The following ASTN2 variants were observed in gnomAD, a reference collection of about 807,000 sequenced individuals.
ASTN2 encodes astrotactin 2, also known as astrotactin-2.
In ASTN2, 54 loss-of-function variants were observed where a neutral mutation model predicts 139.8. The observed-to-expected ratio is 0.39, with a 90% CI of 0.31 to 0.48. ASTN2 has a LOEUF of 0.48. ASTN2 is among the 20% of genes least tolerant of loss of function. ASTN2 has a pLI of 0.95. For missense variants in ASTN2, 1,565 were observed against 1,725.1 expected, an observed-to-expected ratio of 0.91 and a Z score of 1.64; for synonymous variants, 756 against 719.5, an observed-to-expected ratio of 1.05 and a Z score of -0.81.
At chr9:117,300,884 C>G (rs571410297) in intron 1 of ASTN2, among the ~76,000 whole-genome samples, 1 of 152,162 alleles carries the variant, frequency 6.6e-6, no homozygotes, top group African/African-American at 2.4e-5. Flanking sequence ...GACTCCTCCT[C>G]CCCAACCCCA....
intron 16 of ASTN2, among the ~76,000 whole-genome samples, chr9:116,704,864 A>AT (rs1045104473): frequency 5.3e-5 from 8 of 152,174 alleles, no homozygotes; most frequent in Admixed American, 2.0e-4. Flanking sequence ...TAGAGCCAAG[A>AT]TTTTTTTAAA....
intron 20 of ASTN2, among the ~76,000 whole-genome samples, chr9:116,455,804 A>G (rs748865591): frequency 6.6e-6 from 1 of 152,088 alleles, no homozygotes; most frequent in Non-Finnish European, 1.5e-5. Flanking sequence ...TTGTAGAGAC[A>G]TAATTTTATA....
intron 16 of ASTN2, among the ~76,000 whole-genome samples, chr9:116,702,244 GT>G (rs1195059048): frequency 4.0e-5 from 6 of 151,552 alleles, no homozygotes; most frequent in African/African-American, 1.5e-4. Context: ...AAATAACCTG[GT>G]TTCATTCCTG....
rs1554746886 is a variant in ASTN2 at position 116,791,039 on chromosome 9, G to GAAAGAAAGA, written c.2396+14592_2396+14593insTCTTTCTTT. On this transcript the variant is annotated intron_variant, in intron 13 of 22. Transcript: ENST00000313400. The stretch of plus-strand genomic sequence containing the variant: ...AGAAAGAAAGAAAGAAAGAAAGAAA[G>GAAAGAAAGA]AAAGAAAAGAAAAGAAAGAAAGAAG... 2.5e-3 allele frequency among the ~76,000 whole-genome samples: 205 copies of GAAAGAAAGA among 81,992 alleles called. 1 individual carries two copies. The highest frequency in any genetic ancestry group is 0.013 in the East Asian group (19 of 1,440). 53.8% of individuals were successfully genotyped at this position (81,992 alleles called of 152,430 possible). A position where few individuals can be genotyped will look rare whatever the true frequency, so the allele number is the denominator to read the frequency against.
At chr9:116,654,071 T>G (rs1158025754) in intron 16 of ASTN2, among the ~76,000 whole-genome samples, 1 of 152,164 alleles carries the variant, frequency 6.6e-6, no homozygotes, top group African/African-American at 2.4e-5. Flanking sequence ...ACTTCAAACT[T>G]GGGAGAGAAT....
At chr9:116,604,309 C>T (rs1342926264) in intron 19 of ASTN2, among the ~76,000 whole-genome samples, 2 of 152,124 alleles carry the variant, frequency 1.3e-5, no homozygotes, top group African/African-American at 2.4e-5. Flanking sequence ...GTACCTTTTC[C>T]CTTTGGAAGT....
Position 117,059,755 on chromosome 9 carries a change from T to G in ASTN2, c.1277-19790A>C, listed in dbSNP as rs1382068118. ...AGTATTTCCCATTCTTCACTCCAGT[T>G]TTGATTAGTCATTATCATTCAATTG... On this transcript the variant is annotated intron_variant, in intron 5 of 22. Coordinates refer to ENST00000313400, the MANE Select transcript of ASTN2 (RefSeq NM_001365068.1). 3.3e-5 allele frequency among the ~76,000 whole-genome samples: 5 copies of G among 152,328 alleles called. No individual in the cohort carries two copies. In the South Asian group the frequency reaches 1.0e-3, roughly 32 times the overall value.
chr9:116,691,579 G>A (rs779343712), intron 16 of ASTN2, among the ~76,000 whole-genome samples: 2 of 152,152 alleles, frequency 1.3e-5, no homozygotes, highest in African/African-American at 4.8e-5. Context: ...CTTCTGGATC[G>A]TTTTGTTTGC....
At chr9:116,681,538 T>C (rs899900834) in intron 16 of ASTN2, among the ~76,000 whole-genome samples, 6 of 152,164 alleles carry the variant, frequency 3.9e-5, no homozygotes, top group Non-Finnish European at 5.9e-5. Flanking sequence ...AAGGTTCATA[T>C]GGAACCAAAA....
intron 2 of ASTN2, among the ~76,000 whole-genome samples, chr9:117,291,025 C>T (rs1834576804): frequency 6.6e-6 from 1 of 152,162 alleles, no homozygotes; most frequent in Admixed American, 6.5e-5. Flanking sequence ...CAAAGCAGGC[C>T]AAGCACATGA....
intron 19 of ASTN2, among the ~76,000 whole-genome samples, chr9:116,548,009 C>T (rs1034850001): frequency 1.3e-5 from 2 of 152,192 alleles, no homozygotes; most frequent in Non-Finnish European, 2.9e-5. Context: ...TCTGGCAGCC[C>T]CACTTTGCCT....
chr9:117,260,029 C>T (rs1219510790), intron 2 of ASTN2, among the ~76,000 whole-genome samples: 1 of 152,130 alleles, frequency 6.6e-6, no homozygotes, highest in Non-Finnish European at 1.5e-5. Context: ...TTTCTTCTTG[C>T]TTTCCTTTCT....
At chr9:117,109,482 C>T (rs1402201551) in intron 4 of ASTN2, among the ~76,000 whole-genome samples, 1 of 152,078 alleles carries the variant, frequency 6.6e-6, no homozygotes, top group East Asian at 1.9e-4. Flanking sequence ...TATTTTAGCC[C>T]CTGGAAGTAA....
At chr9:116,896,724 G>A (rs993478267) in intron 10 of ASTN2, among the ~76,000 whole-genome samples, 11 of 152,258 alleles carry the variant, frequency 7.2e-5, no homozygotes, top group South Asian at 2.1e-4. Flanking sequence ...AAGCAGGGAC[G>A]TCTCACATGG....
chr9:117,220,049 G>A (rs963765073), intron 2 of ASTN2, among the ~76,000 whole-genome samples: 3 of 152,212 alleles, frequency 2.0e-5, no homozygotes, highest in Admixed American at 2.0e-4. Context: ...TTCACAGTGT[G>A]AAGAGTTATG....
intron 1 of ASTN2, among the ~76,000 whole-genome samples, chr9:117,369,464 A>T (rs1410077671): frequency 6.6e-6 from 1 of 152,034 alleles, no homozygotes; most frequent in Admixed American, 6.6e-5. Context: ...ATGGTAGAAA[A>T]CTGAGGCTCC....
intron 2 of ASTN2, among the ~76,000 whole-genome samples, chr9:117,257,797 T>C (rs1387037286): frequency 6.6e-6 from 1 of 152,142 alleles, no homozygotes; most frequent in Non-Finnish European, 1.5e-5. Flanking sequence ...GGACTAAATG[T>C]ATAAAAGAAG....
At chr9:116,799,315 T>C (rs1830780263) in intron 13 of ASTN2, among the ~76,000 whole-genome samples, 1 of 152,176 alleles carries the variant, frequency 6.6e-6, no homozygotes, top group Non-Finnish European at 1.5e-5. Context: ...GCGTGGGTTG[T>C]GGGTGCTGAA....
At chr9:116,800,383 G>GA (rs1327278346) in intron 13 of ASTN2, among the ~76,000 whole-genome samples, 1 of 152,088 alleles carries the variant, frequency 6.6e-6, no homozygotes, top group Non-Finnish European at 1.5e-5. Flanking sequence ...CTTTCCATGT[G>GA]AATCTCTTAA....
Sources: gnomAD v4.1 joint callset for allele counts (sites outside exome capture counted in the v4.1 genomes callset) on GRCh38, gnomAD v4.1.1 for gene constraint, MANE v1.5 for transcripts, NCBI Gene and HGNC (gene_info 2026-07-23, HGNC 2026-07-21) for gene names.